Variants in CRACD observed in about 807,000 individuals in gnomAD.
CRACD encodes the protein capping protein-inhibiting regulator of actin dynamics.
Under a neutral mutation model 106.8 loss-of-function variants are expected in CRACD, and 56 were observed. The ratio of observed to expected loss-of-function variants is 0.52; its 90% CI spans 0.42 to 0.66. CRACD has a LOEUF of 0.66. CRACD is among the 30% of genes least tolerant of loss of function. The probability of loss-of-function intolerance (pLI) is 0.00; values close to 1 mark genes in which losing one functional copy is unlikely to be tolerated. For synonymous variants in CRACD, 754 were observed against 670.8 expected (o/e 1.12, Z -1.92); for missense variants, 1,730 against 1,623.2 (o/e 1.07, Z -1.13).
At chr4:56,295,342 A>G (rs1177404132) in intron 3 of CRACD, among the ~76,000 whole-genome samples, 1 of 152,116 alleles carries the variant, frequency 6.6e-6, no homozygotes, top group Non-Finnish European at 1.5e-5. Context: ...TGTCCAATAA[A>G]ATTTAGCTAG....
chr4:56,282,950 GC>G (rs1460421447), intron 3 of CRACD, among the ~76,000 whole-genome samples: 4 of 152,168 alleles, frequency 2.6e-5, no homozygotes, highest in African/African-American at 9.7e-5. Context: ...GCTCTCCTTA[GC>G]TCTAAGTGCC....
At chr4:56,078,710 C>T (rs76691022) in intron 1 of CRACD, among the ~76,000 whole-genome samples, 56 of 152,300 alleles carry the variant, frequency 3.7e-4, no homozygotes, top group South Asian at 1.2e-3. Flanking sequence ...GCCACTGCAC[C>T]GGGCACCTTT....
At position 56,057,799 on chromosome 4, in the gene CRACD, A is replaced by ATTTTTTTTT. The variant is rs754198915; in HGVS notation, c.-336+8506_-336+8514dup. On this transcript the variant is annotated intron_variant, in intron 1 of 10. Coordinates refer to ENST00000682029, the MANE Select transcript of CRACD (RefSeq NM_001393381.1). ...CCACCACACCTGGCTCATTTTTTGTATTTTTTTTTTTTTTGTTTTTTTTTT... is the reference window on the plus strand; with the variant it reads ...CCACCACACCTGGCTCATTTTTTGTATTTTTTTTTTTTTTTTTTTTTTTGTTTTTTTTTT... Among the ~76,000 whole-genome samples, 20 of 43,462 alleles carry ATTTTTTTTT rather than the reference A, an allele frequency of 4.6e-4. 1 individual carries two copies. Among genetic ancestry groups the ATTTTTTTTT allele is most frequent in the East Asian group, 1.1e-3 (2 of 1,886 alleles). 28.5% of individuals were successfully genotyped at this position (43,462 alleles called of 152,430 possible).
chr4:56,216,776 C>G (rs962428047), intron 2 of CRACD, among the ~76,000 whole-genome samples: 1 of 151,066 alleles, frequency 6.6e-6, no homozygotes, highest in Non-Finnish European at 1.5e-5. Context: ...GTCAGGAGAT[C>G]GAGACCATCC....
At chr4:56,197,365 C>T (rs1737659964) in intron 2 of CRACD, among the ~76,000 whole-genome samples, 1 of 151,958 alleles carries the variant, frequency 6.6e-6, no homozygotes, top group Non-Finnish European at 1.5e-5. Context: ...GTTTCTCTCC[C>T]TTTAAAAAAA....
intron 1 of CRACD, among the ~76,000 whole-genome samples, chr4:56,128,152 A>G (rs954250686): frequency 6.6e-6 from 1 of 152,040 alleles, no homozygotes; most frequent in East Asian, 1.9e-4. Flanking sequence ...GGTGTGGTCT[A>G]GGGAGGGGGC....
Position 56,127,354 on chromosome 4 carries a change from G to A in CRACD, c.-335-51930G>A, listed in dbSNP as rs553288441. Among the ~76,000 whole-genome samples, 354 of 152,282 alleles carry A rather than the reference G, an allele frequency of 2.3e-3. 1 individual carries two copies. Among genetic ancestry groups the A allele is most frequent in the Admixed American group, 4.6e-3 (70 of 15,302 alleles). The stretch of plus-strand genomic sequence containing the variant: ...CATTTATATCTCTGCATAAGCTCTG[G>A]AATTTAGGGAGAAAAATAACTTTAT... On this transcript the variant is annotated intron_variant, in intron 1 of 10. Transcript: ENST00000682029.
chr4:56,103,259 T>C (rs1054863734), intron 1 of CRACD, among the ~76,000 whole-genome samples: 1 of 152,212 alleles, frequency 6.6e-6, no homozygotes, highest in Non-Finnish European at 1.5e-5. Flanking sequence ...ATTGAAGATT[T>C]ATATTCATTG....
At chr4:56,249,724 C>T (rs1740937947) in intron 2 of CRACD, among the ~76,000 whole-genome samples, 1 of 152,090 alleles carries the variant, frequency 6.6e-6, no homozygotes, top group Non-Finnish European at 1.5e-5. Flanking sequence ...ACACCAGAGC[C>T]TTGCACCCAC....
chr4:56,211,984 T>G (rs1031221909), intron 2 of CRACD, among the ~76,000 whole-genome samples: 3 of 152,094 alleles, frequency 2.0e-5, no homozygotes, highest in African/African-American at 7.2e-5. Context: ...CCTGCCACTA[T>G]CAAGACCTGC....
At chr4:56,112,198 C>A (rs1212071876) in intron 1 of CRACD, among the ~76,000 whole-genome samples, 1 of 152,130 alleles carries the variant, frequency 6.6e-6, no homozygotes, top group Admixed American at 6.5e-5. Context: ...TGCAACGAAG[C>A]CAAATGCTGA....
intron 4 of CRACD, among the ~76,000 whole-genome samples, chr4:56,306,964 G>A (rs912978364): frequency 3.3e-5 from 5 of 152,312 alleles, no homozygotes; most frequent in South Asian, 2.1e-4. Context: ...CCTTGGCAGC[G>A]ACCCAGTGTG....
chr4:56,179,127 C>T (rs1212203579), intron 1 of CRACD, among the ~76,000 whole-genome samples, 157 bp from the exon 2 acceptor site: 5 of 151,404 alleles, frequency 3.3e-5, no homozygotes, highest in Middle Eastern at 3.2e-3. Flanking sequence ...CAGTGCAAAT[C>T]GAATGTTGGT....
chr4:56,315,483 A>C lies in CRACD; in HGVS notation c.1981A>C (p.Ser661Arg). 6.2e-7 allele frequency: 1 copy of C among 1,613,284 alleles called. No homozygotes were observed. Among genetic ancestry groups the C allele is most frequent in the Non-Finnish European group, 8.5e-7 (1 of 1,179,812 alleles). ...TAAGCCCCGCCAGGAGTCTCCCAGC[A>C]GCGCGTCCGCACTCGCAGAATGGGC... ...KAKPRQESPS[S>R]ASALAEWASI... Residue 661 changes from serine (S) to arginine (R), a missense_variant, in exon 8 of 11, where the codon AGC (serine) becomes CGC (arginine). By Grantham distance (110) the Ser-to-Arg change is moderately radical. Coordinates refer to ENST00000682029, the MANE Select transcript of CRACD (RefSeq NM_001393381.1). This position sits in a 1 kb window ranked among gnomAD's most constrained non-coding sequence, Gnocchi z 4.1.
At position 56,296,865 on chromosome 4, in the gene CRACD, A is replaced by G. The variant is rs186618438; in HGVS notation, c.-16-1349A>G. On this transcript the variant is annotated intron_variant, in intron 3 of 10. Transcript: ENST00000682029. ...GGGAACAGTTTGCTTCCTTACTGCT[A>G]TCTTACTCGCTTACTTCTGCTGCTT... Among the ~76,000 whole-genome samples the G allele has an allele frequency of 8.7e-4, 132 of 151,624 alleles. 2 individuals are homozygous for G. Among genetic ancestry groups the G allele is most frequent in the Admixed American group, 4.5e-3 (69 of 15,258 alleles).
intron 1 of CRACD, among the ~76,000 whole-genome samples, chr4:56,151,721 A>G (rs1441198449): frequency 6.6e-6 from 1 of 152,092 alleles, no homozygotes; most frequent in African/African-American, 2.4e-5. Flanking sequence ...GTGGTCTCTA[A>G]TCTGGAACCA....
At chr4:56,325,110 A>G (rs1479722500) in intron 10 of CRACD, among the ~76,000 whole-genome samples, 1 of 152,154 alleles carries the variant, frequency 6.6e-6, no homozygotes. Flanking sequence ...CAAGGCAGGC[A>G]GATTGCTTGA....
chr4:56,164,095 C>T (rs531669406), intron 1 of CRACD, among the ~76,000 whole-genome samples: 2 of 151,180 alleles, frequency 1.3e-5, no homozygotes, highest in African/African-American at 2.4e-5. Context: ...TAAAAATAGA[C>T]GGGAAGTTTC....
chr4:56,106,380 G>A (rs1227419009), intron 1 of CRACD, among the ~76,000 whole-genome samples: 5 of 152,132 alleles, frequency 3.3e-5, no homozygotes, highest in African/African-American at 4.8e-5. Flanking sequence ...TTGATCCTAC[G>A]CTAAAGAGTT....
Sources: gnomAD v4.1 joint callset for allele counts (sites outside exome capture counted in the v4.1 genomes callset) on GRCh38, gnomAD v4.1.1 for gene constraint, Gnocchi (gnomAD v3.1) non-coding constraint, MANE v1.5 for transcripts, NCBI Gene and HGNC (gene_info 2026-07-23, HGNC 2026-07-21) for gene names.